CIB1: variants seen among roughly 807,000 people sequenced by gnomAD.
The protein encoded by CIB1 is calcium and integrin binding 1, also known as calcium and integrin-binding protein 1.
Under a neutral mutation model 25.0 loss-of-function variants are expected in CIB1, and 19 were observed. That is an observed-to-expected ratio of 0.76 (90% CI 0.53 to 1.12). CIB1 has a LOEUF of 1.12. CIB1 is among the 50% of genes most tolerant of loss of function. The pLI is 0.00. For missense variants in CIB1, 236 were observed against 242.6 expected (o/e 0.97, Z 0.18); for synonymous variants, 104 against 98.5 (o/e 1.06, Z -0.33).
the CIB1 span, among the ~76,000 whole-genome samples, chr15:90,261,017 CTT>C: frequency 2.0e-5 from 3 of 151,788 alleles, no homozygotes; most frequent in East Asian, 5.8e-4. Flanking sequence ...TTATGGAAGG[CTT>C]TATCTTCTTT....
rs1567067543 is a variant in CIB1, at chr15:90,229,989, CTT to C, written c.*493_*494del. The C allele has an allele frequency of 2.8e-5, 5 of 175,540 alleles. No individual in the cohort carries two copies. The highest frequency in any genetic ancestry group is 1.2e-4 in the African/African-American group (5 of 41,592). The allele number at this position is 175,540 out of a possible 1,614,324, so 10.9% of individuals were successfully genotyped here. ...TCTTCAGATCATGCAGTAAAATAGA[CTT>C]TACTGATGTACGGTTCTTTACATTT... On this transcript the variant is annotated 3_prime_UTR_variant, in exon 7 of 7. Transcript: ENST00000328649.
chr15:90,265,216 A>G, the CIB1 span: 1 of 1,351,730 alleles, frequency 7.4e-7, no homozygotes, highest in Admixed American at 3.3e-5. Context: ...TCTGCTCATC[A>G]AGCCTTAGCC....
the CIB1 span, among the ~76,000 whole-genome samples, chr15:90,255,014 A>G: frequency 1.3e-5 from 2 of 152,238 alleles, no homozygotes; most frequent in Non-Finnish European, 2.9e-5. Flanking sequence ...GGAGGGTCAG[A>G]AATACTAAGT....
chr15:90,262,147 C>T, the CIB1 span: 2 of 1,535,742 alleles, frequency 1.3e-6, no homozygotes, highest in Non-Finnish European at 1.7e-6. Context: ...ATGGCTCCCT[C>T]TTCCAAGAGA....
the CIB1 span, among the ~76,000 whole-genome samples, chr15:90,260,369 C>T: frequency 1.3e-4 from 20 of 152,070 alleles, no homozygotes; most frequent in South Asian, 1.5e-3. Flanking sequence ...TAATGGTGCG[C>T]GCCTATGGTC....
At position 90,230,181 on chromosome 15, in the gene CIB1, T is replaced by G; in HGVS notation, c.*303A>C. The G allele has an allele frequency of 2.2e-6, 1 of 449,344 alleles. No homozygotes were observed. The highest frequency in any genetic ancestry group is 4.0e-6 in the Non-Finnish European group (1 of 247,878). 27.8% of individuals were successfully genotyped at this position (449,344 alleles called of 1,614,324 possible). ...CTCGATATGCTGCTTATTCCTAGGA[T>G]GATTGAAGGCTCTTAGAAGAGAAGT... is the stretch of plus-strand genomic sequence containing the variant. On this transcript the variant is annotated 3_prime_UTR_variant, in exon 7 of 7. Transcript: ENST00000328649.
chr15:90,265,510 C>T, the CIB1 span: 1 of 1,399,546 alleles, frequency 7.1e-7, no homozygotes, highest in Non-Finnish European at 9.3e-7. Flanking sequence ...TCGGCCCTCA[C>T]GTTTCAGGGA....
At chr15:90,262,368 T>C in the CIB1 span, 2 of 1,187,364 alleles carry the variant, frequency 1.7e-6, no homozygotes, top group Admixed American at 5.9e-5. Flanking sequence ...TCCCCTCTCA[T>C]TGCTCTCGCA....
At chr15:90,263,052 G>A in the CIB1 span, 1 of 1,535,990 alleles carries the variant, frequency 6.5e-7, no homozygotes, top group Non-Finnish European at 8.7e-7. Context: ...TGCTACAAAG[G>A]GAGACTCTCA....
At chr15:90,262,983 G>A in the CIB1 span, 2 of 1,535,892 alleles carry the variant, frequency 1.3e-6, no homozygotes, top group Non-Finnish European at 1.7e-6. Context: ...CGGGACAGCT[G>A]GACACCATGA....
chr15:90,231,140 C>G lies in CIB1; in HGVS notation c.420G>C (p.Glu140Asp), dbSNP rs1290760169. 1 of 1,614,194 alleles carries G rather than the reference C, an allele frequency of 6.2e-7. No individual in the cohort carries two copies. The highest frequency in any genetic ancestry group is 8.5e-7 in the Non-Finnish European group (1 of 1,180,032). ...TCTCAGACGCACTAAGCCGTGTGTC[C>G]TCGCCCTCTCCCGTGAGGCAGTTCA... ...RLVNCLTGEG[E>D]DTRLSASEMK... Residue 140 changes from glutamate (E) to aspartate (D), a missense_variant, in exon 5 of 7, where the codon GAG becomes GAC. Glu to Asp is a conservative substitution (Grantham distance 45). Coordinates refer to ENST00000328649, the MANE Select transcript of CIB1 (RefSeq NM_006384.4).
chr15:90,261,775 G>A, the CIB1 span, among the ~76,000 whole-genome samples: 1 of 152,150 alleles, frequency 6.6e-6, no homozygotes, highest in South Asian at 2.1e-4. Flanking sequence ...GCAAGACCCT[G>A]TCTCAAAAAA....
the CIB1 span, chr15:90,241,383 G>C: frequency 6.2e-7 from 1 of 1,614,000 alleles, no homozygotes. Flanking sequence ...GGTGATCAAC[G>C]TCAGCCCCCT....
upstream of CIB1, chr15:90,235,954 C>T (rs1030647621): frequency 6.6e-6 from 1 of 152,208 alleles, no homozygotes; most frequent in African/African-American, 2.4e-5. Flanking sequence ...AAGCAAGAAG[C>T]TGTCATTATG....
rs979925740 is a variant in CIB1, at chr15:90,232,250, A to G, written c.164T>C (p.Phe55Ser). Residue 55 changes from phenylalanine to serine, a missense_variant, in exon 3 of 7, where the codon TTC becomes TCC. Coordinates refer to ENST00000328649, the MANE Select transcript of CIB1 (RefSeq NM_006384.4). ...VESSLRAQVP[F>S]EQILSLPELK... ...CTCTGGAAGGCTGAGAATCTGCTCG[A>G]AGGGCACTTGTGCCCGAAGTGACGA... The G allele has an allele frequency of 1.2e-6, 2 of 1,612,866 alleles. No homozygotes were observed. The highest frequency in any genetic ancestry group is 8.5e-7 in the Non-Finnish European group (1 of 1,179,068).
the CIB1 span, chr15:90,263,972 A>C: frequency 1.3e-6 from 2 of 1,535,912 alleles, no homozygotes; most frequent in South Asian, 2.4e-5. Flanking sequence ...TGGACAGGAG[A>C]GCCGGCAGCC....
the CIB1 span, chr15:90,243,048 T>TTAAAAAG: frequency 6.6e-6 from 1 of 152,174 alleles, no homozygotes; most frequent in Non-Finnish European, 1.5e-5. Flanking sequence ...GGAGTGTGTG[T>TTAAAAAG]GACAGTTACA....
At chr15:90,257,091 G>A in the CIB1 span, 2 of 1,571,324 alleles carry the variant, frequency 1.3e-6, no homozygotes, top group Non-Finnish European at 1.7e-6. Flanking sequence ...CACATAGTAG[G>A]CACTTCAAAA....
chr15:90,250,626 A>C, the CIB1 span: 1 of 1,611,056 alleles, frequency 6.2e-7, no homozygotes, highest in African/African-American at 1.3e-5. Flanking sequence ...TCAGAATCTG[A>C]GAGAATGGAG....
Sources: allele counts gnomAD v4.1 joint callset (sites outside exome capture counted in the v4.1 genomes callset), GRCh38; gene constraint gnomAD v4.1.1; transcripts MANE v1.5; gene names NCBI Gene and HGNC (gene_info 2026-07-23, HGNC 2026-07-21).